The following KCNIP1 variants were observed in gnomAD, a reference collection of about 807,000 sequenced individuals.
KCNIP1 encodes potassium voltage-gated channel interacting protein 1.
KCNIP1 carries 18 observed loss-of-function variants against 33.0 expected under a neutral mutation model. That is an observed-to-expected ratio of 0.55 (90% CI 0.38 to 0.81). KCNIP1 has a LOEUF of 0.81. Among genes scored for constraint, KCNIP1 ranks in the 30% least tolerant of loss-of-function variants. KCNIP1 has a pLI of 0.00. For missense variants in KCNIP1, 238 were observed against 271.6 expected, an observed-to-expected ratio of 0.88 and a Z score of 0.87; for synonymous variants, 93 against 98.3, an observed-to-expected ratio of 0.95 and a Z score of 0.32.
chr5:170,590,291 G>A (rs10064892), intron 1 of KCNIP1, among the ~76,000 whole-genome samples: 8,432 of 152,140 alleles, frequency 0.055, 275 homozygotes, highest in African/African-American at 0.094. Flanking sequence ...CAGGGCACTC[G>A]TCAACCACCT....
chr5:170,641,606 C>G (rs569853960), intron 1 of KCNIP1, among the ~76,000 whole-genome samples: 1 of 152,312 alleles, frequency 6.6e-6, no homozygotes, highest in Non-Finnish European at 1.5e-5. Flanking sequence ...CTTCTGTCCC[C>G]AAAGAGGCTT....
At chr5:170,584,677 G>T (rs1387186669) in intron 1 of KCNIP1, among the ~76,000 whole-genome samples, 2 of 152,162 alleles carry the variant, frequency 1.3e-5, no homozygotes, top group Non-Finnish European at 2.9e-5. Context: ...AGCCTGGAGG[G>T]ACAACTCCGG....
intron 1 of KCNIP1, among the ~76,000 whole-genome samples, chr5:170,532,268 C>T (rs947314034): frequency 6.6e-6 from 1 of 152,236 alleles, no homozygotes; most frequent in Non-Finnish European, 1.5e-5. Context: ...TTCAAGTCCC[C>T]ATTCTTGCCA....
intron 5 of KCNIP1, among the ~76,000 whole-genome samples, chr5:170,728,218 G>A (rs2032863): frequency 0.22 from 33,818 of 151,908 alleles, 5,145 homozygotes; most frequent in East Asian, 0.81. Context: ...ATGGTAACAC[G>A]CGGAGATTCT....
At chr5:170,731,106 T>C (rs1764178080) in intron 5 of KCNIP1, among the ~76,000 whole-genome samples, 1 of 152,164 alleles carries the variant, frequency 6.6e-6, no homozygotes, top group Non-Finnish European at 1.5e-5. Flanking sequence ...AACACTACAG[T>C]AATAATTTTT....
chr5:170,388,070 C>T (rs577871927), intron 1 of KCNIP1, among the ~76,000 whole-genome samples: 1 of 152,332 alleles, frequency 6.6e-6, no homozygotes, highest in Non-Finnish European at 1.5e-5. Context: ...GCTTCTAGTG[C>T]CCTCTCAGGC....
chr5:170,435,794 T>C (rs1270202983), intron 1 of KCNIP1, among the ~76,000 whole-genome samples: 1 of 152,128 alleles, frequency 6.6e-6, no homozygotes, highest in African/African-American at 2.4e-5. Context: ...AGGTTACATC[T>C]TGGGGAGACC....
intron 1 of KCNIP1, among the ~76,000 whole-genome samples, chr5:170,466,064 A>G (rs1756602911): frequency 6.6e-6 from 1 of 152,168 alleles, no homozygotes. Context: ...CCAGTAAAGA[A>G]ATAATAGTGC....
intron 1 of KCNIP1, among the ~76,000 whole-genome samples, chr5:170,617,091 T>C (rs1334886184): frequency 1.3e-5 from 2 of 151,814 alleles, no homozygotes; most frequent in African/African-American, 4.8e-5. Context: ...CAGAATCTGG[T>C]ACCTAGTGAA....
intron 1 of KCNIP1, among the ~76,000 whole-genome samples, chr5:170,566,085 A>G (rs529514824): frequency 1.3e-5 from 2 of 152,148 alleles, no homozygotes; most frequent in Admixed American, 6.5e-5. Context: ...CTGGAGTGCA[A>G]TGGTTCAATC....
intron 1 of KCNIP1, among the ~76,000 whole-genome samples, chr5:170,420,818 C>T (rs963194509): frequency 1.3e-5 from 2 of 152,154 alleles, no homozygotes; most frequent in African/African-American, 4.8e-5. Flanking sequence ...CTTCTCCCCC[C>T]CAACCCCACT....
rs67542248 is a variant in KCNIP1, at chr5:170,451,723, TTGTGTGTGTGTGTG to T, written c.88+97793_88+97806del. 8.8e-4 allele frequency among the ~76,000 whole-genome samples: 108 copies of T among 122,972 alleles called. No individual in the cohort carries two copies. The Middle Eastern group carries it at 0.013, about 14-fold the overall frequency. The allele number at this position is 122,972 out of a possible 152,430, so 80.7% of individuals were successfully genotyped here. On this transcript the variant is annotated intron_variant, in intron 1 of 7. Transcript: ENST00000377360. Reference sequence around the variant, plus strand: ...GACAGTTGCTTCAGCTTCTCCTGCATTGTGTGTGTGTGTGTGTGTGTGTGTGTGTGTGTGTGTGT... The same window carrying T: ...GACAGTTGCTTCAGCTTCTCCTGCATTGTGTGTGTGTGTGTGTGTGTGTGT...
chr5:170,691,965 T>C (rs1202041498), intron 1 of KCNIP1, among the ~76,000 whole-genome samples: 3 of 152,196 alleles, frequency 2.0e-5, no homozygotes, highest in African/African-American at 7.2e-5. Flanking sequence ...TCCCCACTGC[T>C]TCCTCCAATC....
intron 1 of KCNIP1, among the ~76,000 whole-genome samples, chr5:170,637,664 C>G (rs1390843270): frequency 6.6e-6 from 1 of 152,158 alleles, no homozygotes; most frequent in Non-Finnish European, 1.5e-5. Flanking sequence ...GCTCATTTTC[C>G]TTTAGTGAGG....
chr5:170,588,614 T>C (rs1186917053), intron 1 of KCNIP1, among the ~76,000 whole-genome samples: 1 of 152,064 alleles, frequency 6.6e-6, no homozygotes, highest in Non-Finnish European at 1.5e-5. Context: ...CCTCCCCAAA[T>C]CCTTCAGCTT....
chr5:170,696,016 C>CAAA (rs34474795), intron 1 of KCNIP1, among the ~76,000 whole-genome samples: 3 of 93,964 alleles, frequency 3.2e-5, no homozygotes, highest in South Asian at 3.8e-4. Flanking sequence ...GACTCTGTCT[C>CAAA]AAAAAAAAAA....
chr5:170,644,533 T>C (rs535215520), intron 1 of KCNIP1, among the ~76,000 whole-genome samples: 1 of 152,298 alleles, frequency 6.6e-6, no homozygotes, highest in African/African-American at 2.4e-5. Flanking sequence ...TTTGTCCCCA[T>C]GGCCCCAGCA....
In KCNIP1 at chr5:170,585,076, G is replaced by A. The variant is rs550350084; in HGVS notation, c.61+80443G>A. ...GGTAAGAAAACTGAGGTTCAGAAAG[G>A]CAAAGTAACTGGTTGAGGGTCACAC... On this transcript the variant is annotated intron_variant, in intron 1 of 7. Transcript: ENST00000328939. 5.9e-5 allele frequency among the ~76,000 whole-genome samples: 9 copies of A among 152,132 alleles called. No individual in the cohort carries two copies. The East Asian group carries it at 9.7e-4, about 16-fold the overall frequency.
chr5:170,541,174 G>A (rs1159076393), intron 1 of KCNIP1, among the ~76,000 whole-genome samples: 1 of 152,144 alleles, frequency 6.6e-6, no homozygotes, highest in African/African-American at 2.4e-5. Context: ...GCCAATGGTA[G>A]GGGTGGGAAA....
Sources: gnomAD v4.1 joint callset for allele counts (sites outside exome capture counted in the v4.1 genomes callset) on GRCh38, gnomAD v4.1.1 for gene constraint, MANE v1.5 for transcripts, NCBI Gene and HGNC (gene_info 2026-07-23, HGNC 2026-07-21) for gene names.